The following CIMIP2A variants were observed in gnomAD, a reference collection of about 807,000 sequenced individuals.
The protein encoded by CIMIP2A is family with sequence similarity 166 member A.
chr9:137,251,671 C>G, the CIMIP2A span: 160 of 1,517,354 alleles, frequency 1.1e-4, no homozygotes, highest in Non-Finnish European at 1.4e-4. Flanking sequence ...ATAGAGGGGA[C>G]AGGCTGTGGG....
At chr9:137,244,153 C>T in the CIMIP2A span, 7 of 1,612,740 alleles carry the variant, frequency 4.3e-6, no homozygotes, top group Non-Finnish European at 5.9e-6. Flanking sequence ...TCCATGTGAC[C>T]CTGCCCACTC....
the CIMIP2A span, chr9:137,251,061 G>T: frequency 1.8e-6 from 1 of 554,480 alleles, no homozygotes; most frequent in Non-Finnish European, 3.2e-6. Flanking sequence ...TGCGGGGAGG[G>T]AGAGGGCTGG....
At chr9:137,252,751 T>A in the CIMIP2A span, 10 of 1,559,170 alleles carry the variant, frequency 6.4e-6, no homozygotes, top group Non-Finnish European at 6.9e-6. Flanking sequence ...CCAAGACACC[T>A]GAAGGCCACA....
chr9:137,243,600 T>C, the CIMIP2A span: 18 of 1,612,916 alleles, frequency 1.1e-5, no homozygotes, highest in East Asian at 2.2e-5. Context: ...TGTGAACTCT[T>C]TATTCACTCC....
the CIMIP2A span, chr9:137,252,119 C>T: frequency 1.2e-6 from 2 of 1,611,160 alleles, no homozygotes; most frequent in Admixed American, 1.7e-5. Context: ...GCATCGGCTG[C>T]AAGCACCAGG....
the CIMIP2A span, chr9:137,251,629 C>A: frequency 7.5e-7 from 1 of 1,326,834 alleles, no homozygotes; most frequent in Non-Finnish European, 1.0e-6. Flanking sequence ...CTGTGGGGCA[C>A]GTGGCTGGGA....
At chr9:137,247,158 GC>G in the CIMIP2A span, among the ~76,000 whole-genome samples, 2 of 152,226 alleles carry the variant, frequency 1.3e-5, no homozygotes, top group African/African-American at 4.8e-5. Flanking sequence ...GGTGGCAGAT[GC>G]CTGTAATCCC....
chr9:137,244,511 G>C, the CIMIP2A span: 1 of 1,506,244 alleles, frequency 6.6e-7, no homozygotes, highest in South Asian at 1.3e-5. Context: ...GGACAGGAGA[G>C]AGCCAGGCAG....
the CIMIP2A span, chr9:137,251,954 G>T: frequency 2.5e-6 from 4 of 1,597,108 alleles, no homozygotes; most frequent in Non-Finnish European, 2.6e-6. Context: ...CTGTGGGAGG[G>T]GCCCGCTGAA....
chr9:137,254,638 G>A, the CIMIP2A span, among the ~76,000 whole-genome samples: 3 of 152,242 alleles, frequency 2.0e-5, no homozygotes, highest in Non-Finnish European at 4.4e-5. Flanking sequence ...GGTGTGTGTA[G>A]GGGGCTTGGC....
the CIMIP2A span, chr9:137,243,697 T>C: frequency 6.2e-7 from 1 of 1,614,118 alleles, no homozygotes; most frequent in African/African-American, 1.3e-5. Context: ...CATTAAAGCA[T>C]TTTCATAGTG....
At chr9:137,254,192 C>T in the CIMIP2A span, among the ~76,000 whole-genome samples, 1 of 152,270 alleles carries the variant, frequency 6.6e-6, no homozygotes, top group Non-Finnish European at 1.5e-5. Flanking sequence ...GCAGCTGCTT[C>T]TGTGGCCTCA....
the CIMIP2A span, chr9:137,245,168 C>T: frequency 1.3e-6 from 2 of 1,576,234 alleles, no homozygotes; most frequent in Middle Eastern, 1.7e-4. Flanking sequence ...CTAGCGTCTC[C>T]TGCTGGCGGC....
chr9:137,247,697 G>T, the CIMIP2A span: 1 of 1,613,490 alleles, frequency 6.2e-7, no homozygotes, highest in Admixed American at 1.7e-5. Context: ...AAGAGATCGT[G>T]TTTCTGAGTA....
At chr9:137,244,783 C>A in the CIMIP2A span, 1 of 1,597,656 alleles carries the variant, frequency 6.3e-7, no homozygotes, top group South Asian at 1.1e-5. Context: ...CCTTAGCCTT[C>A]CCCTGGGCAC....
At chr9:137,253,433 C>T in the CIMIP2A span, 4 of 1,441,570 alleles carry the variant, frequency 2.8e-6, no homozygotes, top group South Asian at 1.5e-5. Context: ...CAGCCTGGAT[C>T]CCCCATCTGC....
At chr9:137,244,333 A>T in the CIMIP2A span, 2 of 1,611,406 alleles carry the variant, frequency 1.2e-6, no homozygotes, top group African/African-American at 2.7e-5. Context: ...CCCGGCAGGC[A>T]AACAGATAGT....
At chr9:137,253,264 T>C in the CIMIP2A span, 3 of 1,597,564 alleles carry the variant, frequency 1.9e-6, no homozygotes, top group Non-Finnish European at 2.6e-6. Context: ...GGGCACAACC[T>C]GCTTGGCCCG....
chr9:137,252,467 T>A, the CIMIP2A span: 1 of 1,610,406 alleles, frequency 6.2e-7, no homozygotes. Context: ...TGGCAGACTT[T>A]GTGGTTCCAG....
Sources: gnomAD v4.1 joint callset for allele counts (sites outside exome capture counted in the v4.1 genomes callset) on GRCh38, gnomAD v4.1.1 for gene constraint, MANE v1.5 for transcripts, NCBI Gene and HGNC (gene_info 2026-07-23, HGNC 2026-07-21) for gene names.